SYNPO: variants seen among roughly 807,000 people sequenced by gnomAD.
SYNPO encodes the protein synaptopodin.
A neutral mutation model predicts 49.5 loss-of-function variants in SYNPO; 19 were observed. The observed-to-expected ratio is 0.38, with a 90% CI of 0.27 to 0.56. The LOEUF (loss-of-function observed/expected upper bound fraction) is 0.56. Among genes scored for constraint, SYNPO ranks in the 20% least tolerant of loss-of-function variants. The probability of loss-of-function intolerance (pLI) is 0.68; values close to 1 mark genes in which losing one functional copy is unlikely to be tolerated. For missense variants in SYNPO, 1,131 were observed against 1,248.3 expected, an observed-to-expected ratio of 0.91 and a Z score of 1.42; for synonymous variants, 536 against 548.0, an observed-to-expected ratio of 0.98 and a Z score of 0.31.
chr5:150,620,902 TTTCTTTCTTTCTTTC>T (rs1561639712), intron 2 of SYNPO, among the ~76,000 whole-genome samples: 76 of 104,616 alleles, frequency 7.3e-4, no homozygotes, highest in Admixed American at 3.2e-3. Context: ...TTTTTTTCTC[TTTCTTTCTTTCTTTC>T]TTTCTTTCTT....
chr5:150,605,563 G>A (rs544709782), intron 1 of SYNPO, among the ~76,000 whole-genome samples: 1 of 152,246 alleles, frequency 6.6e-6, no homozygotes, highest in African/African-American at 2.4e-5. Context: ...CCCGGACAGG[G>A]CCTCCTTCCC....
intron 1 of SYNPO, among the ~76,000 whole-genome samples, chr5:150,604,716 C>A (rs1387725229): frequency 6.6e-6 from 1 of 152,040 alleles, no homozygotes; most frequent in Non-Finnish European, 1.5e-5. Flanking sequence ...AATGGATTGT[C>A]GTGAAAATTC....
At chr5:150,599,700 G>A (rs532509042), upstream of SYNPO, among the ~76,000 whole-genome samples, 1 of 152,308 alleles carries the variant, frequency 6.6e-6, no homozygotes, top group Non-Finnish European at 1.5e-5. Context: ...TGAGCCTGGG[G>A]GTCGGCGGTG....
upstream of SYNPO, among the ~76,000 whole-genome samples, chr5:150,596,609 A>C (rs916318777): frequency 3.3e-5 from 5 of 152,182 alleles, no homozygotes; most frequent in South Asian, 4.2e-4. Context: ...AGGACGGCTC[A>C]TGTGTCAGAG....
rs71589720 is a variant in SYNPO, at chr5:150,620,938, TTTC to T, written c.400+2174_400+2176del. On this transcript the variant is annotated intron_variant, in intron 2 of 2. Coordinates refer to the SYNPO transcript ENST00000394243. ...CTTTCTTTCTTTCTTTCTTTCTTTC[TTTC>T]TTTCTTTTCTTTTCTTTTTTTTTTT... Among the ~76,000 whole-genome samples the T allele has an allele frequency of 2.1e-3, 282 of 136,484 alleles. 1 individual carries two copies. The highest frequency in any genetic ancestry group is 6.9e-3 in the African/African-American group (235 of 34,092). The allele number at this position is 136,484 out of a possible 152,430, so 89.5% of individuals were successfully genotyped here.
chr5:150,647,870 T>C, intron 1 of SYNPO, 74 bp from the exon 2 acceptor site: 3 of 1,367,400 alleles, frequency 2.2e-6, no homozygotes, highest in Non-Finnish European at 2.0e-6. Context: ...ACCATCTCTG[T>C]CTGCCTGTTT....
Position 150,650,262 on chromosome 5 carries a change from A to T in SYNPO, c.1987A>T (p.Arg663Trp). 1 of 1,613,952 alleles carries T rather than the reference A, an allele frequency of 6.2e-7. No homozygotes were observed. Among genetic ancestry groups the T allele is most frequent in the South Asian group, 1.1e-5 (1 of 91,068 alleles). Residue 663 changes from arginine (R) to tryptophan (W), a missense_variant, in exon 2 of 3, where the codon AGG becomes TGG. Physicochemically the swap from Arg to Trp is moderately radical, Grantham distance 101. Transcript: ENST00000307662. ...GTCTCCCCGAGCCAAGCAGGCCCCC[A>T]GGCCCTCCTTCTCTACCCGGAACGC... ...AWSPRAKQAP[R>W]PSFSTRNAGI...
At chr5:150,618,396 C>T in exon 2 of SYNPO, 1 of 1,551,438 alleles carries the variant, frequency 6.4e-7, no homozygotes. Flanking sequence ...CCACCTCCGC[C>T]CCTTGCACCC....
intron 2 of SYNPO, chr5:150,650,650 C>A: frequency 2.1e-6 from 3 of 1,432,300 alleles, no homozygotes; most frequent in South Asian, 1.6e-5. Flanking sequence ...TGTAGGGATG[C>A]AGAGTCTGAT....
intron 1 of SYNPO, chr5:150,608,365 G>T (rs952435384): frequency 1.3e-5 from 2 of 152,134 alleles, no homozygotes; most frequent in African/African-American, 2.4e-5. Flanking sequence ...CCATCTTCCT[G>T]GCTGGCCAGC....
intron 2 of SYNPO, among the ~76,000 whole-genome samples, 164 bp from the exon 3 acceptor site, chr5:150,656,240 G>T (rs549113518): frequency 1.4e-4 from 22 of 152,136 alleles, no homozygotes; most frequent in African/African-American, 5.3e-4. Flanking sequence ...GGCGTTCCGG[G>T]CTGAGAGTTT....
rs73274499 is a variant in SYNPO, at chr5:150,629,004, G to A, written c.400+10237G>A. The stretch of plus-strand genomic sequence containing the variant: ...CTTTTTGATGTTTGGCCAGGAACAG[G>A]TTTTTTTGTTTGTTTGGTTGGGTTG... On this transcript the variant is annotated intron_variant, in intron 2 of 2. Coordinates refer to the SYNPO transcript ENST00000394243. Among the ~76,000 whole-genome samples, 1,026 of 152,180 alleles carry A rather than the reference G, an allele frequency of 6.7e-3. 11 individuals carry two copies. Among genetic ancestry groups the A allele is most frequent in the African/African-American group, 0.023 (976 of 41,540 alleles).
intron 1 of SYNPO, among the ~76,000 whole-genome samples, chr5:150,604,259 T>C (rs1317833504): frequency 6.6e-6 from 1 of 152,202 alleles, no homozygotes; most frequent in Admixed American, 6.5e-5. Context: ...CACTGCTATG[T>C]GGGGAGGATG....
chr5:150,643,825 G>A (rs778585405), intron 1 of SYNPO, among the ~76,000 whole-genome samples: 10 of 152,064 alleles, frequency 6.6e-5, no homozygotes, highest in Admixed American at 3.3e-4. Flanking sequence ...GAGCCACCGC[G>A]CCCGGCTGAG....
intron 2 of SYNPO, chr5:150,651,121 A>G: frequency 9.3e-7 from 1 of 1,077,188 alleles, no homozygotes; most frequent in Non-Finnish European, 1.1e-6. Flanking sequence ...TCCCCAGGAG[A>G]AGGAGAGCCC....
intron 2 of SYNPO, among the ~76,000 whole-genome samples, chr5:150,654,861 C>T (rs1253868968): frequency 6.6e-6 from 1 of 152,246 alleles, no homozygotes; most frequent in African/African-American, 2.4e-5. Context: ...CGCGGTGGCT[C>T]ACGCCTGTAA....
In SYNPO at chr5:150,650,018, C is replaced by G; in HGVS notation, c.1743C>G (p.Ala581=). 1 of 1,612,538 alleles carries G rather than the reference C, an allele frequency of 6.2e-7. No individual in the cohort carries two copies. The highest frequency in any genetic ancestry group is 8.5e-7 in the Non-Finnish European group (1 of 1,179,976). Residue 581 remains alanine, a synonymous_variant, in exon 2 of 3, where the codon GCC becomes GCG. Transcript: ENST00000307662. The stretch of plus-strand genomic sequence containing the variant: ...TCCTCTCACCTATCAAGGAGCCTGC[C>G]AAGGTCTCACCAAGAGCTGCCTCGC... ...LFVLSPIKEP[A]KVSPRAASPA...
At chr5:150,608,181 C>T (rs1756746010) in intron 1 of SYNPO, among the ~76,000 whole-genome samples, 1 of 152,234 alleles carries the variant, frequency 6.6e-6, no homozygotes, top group Non-Finnish European at 1.5e-5. Flanking sequence ...TGGACTGAGG[C>T]CCCAAGCCCT....
chr5:150,610,989 T>C (rs1756829425), intron 1 of SYNPO, among the ~76,000 whole-genome samples: 1 of 152,148 alleles, frequency 6.6e-6, no homozygotes, highest in African/African-American at 2.4e-5. Context: ...TCACCTAATG[T>C]TGGTTTGTGT....
Sources: allele counts gnomAD v4.1 joint callset (sites outside exome capture counted in the v4.1 genomes callset), GRCh38; gene constraint gnomAD v4.1.1; transcripts MANE v1.5; gene names NCBI Gene and HGNC (gene_info 2026-07-23, HGNC 2026-07-21).